The following MEF2C variants were observed in gnomAD, a reference collection of about 807,000 sequenced individuals.
MEF2C encodes the protein myocyte-specific enhancer factor 2C.
A neutral mutation model predicts 50.5 loss-of-function variants in MEF2C; 6 were observed. The observed-to-expected ratio is 0.12, with a 90% CI of 0.07 to 0.23. The LOEUF (loss-of-function observed/expected upper bound fraction) is 0.23, where lower values mean the gene tolerates loss of function less well. Ranked by LOEUF, MEF2C falls within the 10% of genes least tolerant of loss-of-function variation. The pLI is 1.00. For synonymous variants in MEF2C, 183 were observed against 228.0 expected (o/e 0.80, Z 1.78); for missense variants, 276 against 605.0 (o/e 0.46, Z 5.70).
chr5:88,868,960 T>C (rs956547172), intron 1 of MEF2C, among the ~76,000 whole-genome samples: 2 of 151,988 alleles, frequency 1.3e-5, no homozygotes, highest in African/African-American at 4.8e-5. Flanking sequence ...ATTATAATAT[T>C]TGATATAAAA....
intron 3 of MEF2C, among the ~76,000 whole-genome samples, chr5:88,784,555 G>C (rs1242804787): frequency 6.6e-6 from 1 of 152,046 alleles, no homozygotes; most frequent in Admixed American, 6.6e-5. Flanking sequence ...AGTTACCATA[G>C]CTCATATCAC....
rs531898075 is a variant in MEF2C, at chr5:88,899,614, C to T, written c.-240+4302G>A. 1.1e-3 allele frequency among the ~76,000 whole-genome samples: 161 copies of T among 152,168 alleles called. 1 individual carries two copies. Among genetic ancestry groups the T allele is most frequent in the South Asian group, 6.8e-3 (33 of 4,830 alleles). ...ACACTCTTTAACTCTAATGAGGAAG[C>T]CTCTATGATCCTTCAAAAGCAGATA... On this transcript the variant is annotated intron_variant, in intron 1 of 11. Transcript: ENST00000340208.
intron 6 of MEF2C, chr5:88,741,988 G>T (rs1395539665): frequency 2.0e-6 from 2 of 984,824 alleles, no homozygotes; most frequent in African/African-American, 3.5e-5. Context: ...ACTGTATCAT[G>T]ACTAAATATT....
intron 3 of MEF2C, among the ~76,000 whole-genome samples, chr5:88,794,691 G>T (rs1795268673): frequency 6.6e-6 from 1 of 152,098 alleles, no homozygotes; most frequent in Admixed American, 6.5e-5. Context: ...ATTGCTTTTG[G>T]TGTTTTAGTC....
intron 1 of MEF2C, among the ~76,000 whole-genome samples, chr5:88,870,521 G>A (rs1829181928): frequency 1.3e-5 from 2 of 151,916 alleles, no homozygotes; most frequent in African/African-American, 4.8e-5. Context: ...TGGATACCTT[G>A]GCACAGCAAA....
intron 1 of MEF2C, among the ~76,000 whole-genome samples, chr5:88,857,520 A>T (rs1294232010): frequency 1.3e-5 from 2 of 152,200 alleles, no homozygotes; most frequent in Non-Finnish European, 2.9e-5. Flanking sequence ...GGGAGAAATG[A>T]TATGGTTTGG....
At chr5:88,884,288 T>A (rs1034266361), upstream of MEF2C, 7 of 152,220 alleles carry the variant, frequency 4.6e-5, no homozygotes, top group South Asian at 8.3e-4. Flanking sequence ...CGTTAGCCAC[T>A]TCTCTCTTCC....
intron 6 of MEF2C, 34 bp downstream of exon 6, chr5:88,749,036 A>G (rs1383982428): frequency 6.4e-7 from 1 of 1,559,114 alleles, no homozygotes; most frequent in Non-Finnish European, 8.7e-7. Flanking sequence ...ACTCAGAACA[A>G]TGATACATAC....
At chr5:88,804,822 A>G (rs974792013) in intron 2 of MEF2C, 21 bp from the exon 3 acceptor site, 1 of 1,600,974 alleles carries the variant, frequency 6.2e-7, no homozygotes, top group Non-Finnish European at 8.5e-7. Flanking sequence ...GAAAGCAGCC[A>G]AGATTTTTTA....
chr5:88,813,702 A>G (rs540556114), intron 2 of MEF2C, among the ~76,000 whole-genome samples: 12 of 152,212 alleles, frequency 7.9e-5, no homozygotes, highest in Non-Finnish European at 1.6e-4. Flanking sequence ...ACCAAACACA[A>G]TATTTTTAGC....
At chr5:88,846,209 G>A (rs758096276) in intron 1 of MEF2C, among the ~76,000 whole-genome samples, 21 of 151,832 alleles carry the variant, frequency 1.4e-4, no homozygotes, top group African/African-American at 5.1e-4. Flanking sequence ...CTGGGACTAC[G>A]GGTGCCCGCC....
intron 3 of MEF2C, among the ~76,000 whole-genome samples, chr5:88,778,344 G>A (rs1785962139): frequency 6.6e-6 from 1 of 152,128 alleles, no homozygotes; most frequent in African/African-American, 2.4e-5. Flanking sequence ...AGAACCTCAA[G>A]TCTCTGTGAC....
At chr5:88,886,889 C>T (rs1280172448), upstream of MEF2C, among the ~76,000 whole-genome samples, 1 of 152,326 alleles carries the variant, frequency 6.6e-6, no homozygotes, top group South Asian at 2.1e-4. Context: ...CATCTTACTC[C>T]AACCTCCTCT....
chr5:88,739,102 C>T (rs1180359091), intron 6 of MEF2C: 2 of 985,180 alleles, frequency 2.0e-6, no homozygotes, highest in Admixed American at 1.2e-4. Flanking sequence ...ATCAGAAACA[C>T]CCAATGTTAC....
At chr5:88,902,731 A>G (rs955210334) in intron 1 of MEF2C, among the ~76,000 whole-genome samples, 3 of 151,820 alleles carry the variant, frequency 2.0e-5, no homozygotes, top group African/African-American at 7.2e-5. Context: ...CAATTGCCTC[A>G]TAGTATTAGT....
chr5:88,812,011 A>G (rs1449349906), intron 2 of MEF2C, among the ~76,000 whole-genome samples: 2 of 152,186 alleles, frequency 1.3e-5, no homozygotes, highest in African/African-American at 4.8e-5. Flanking sequence ...AGGTCAAGTA[A>G]GGGATATAAT....
At chr5:88,769,956 A>G in intron 3 of MEF2C, 2 of 985,174 alleles carry the variant, frequency 2.0e-6, no homozygotes, top group Non-Finnish European at 2.4e-6. Context: ...TATCCTAATA[A>G]TCTTTATAAT....
intron 3 of MEF2C, among the ~76,000 whole-genome samples, chr5:88,795,553 G>A (rs1359144008): frequency 6.6e-6 from 1 of 152,076 alleles, no homozygotes; most frequent in Non-Finnish European, 1.5e-5. Flanking sequence ...GAGACAATGG[G>A]GTTTTCTAAA....
At chr5:88,727,858 CAA>C (rs768983061) in intron 10 of MEF2C, among the ~76,000 whole-genome samples, 4 of 151,920 alleles carry the variant, frequency 2.6e-5, no homozygotes, top group Non-Finnish European at 2.9e-5. Context: ...AGATAAATGA[CAA>C]GAGTCATTTC....
Sources: allele counts gnomAD v4.1 joint callset (sites outside exome capture counted in the v4.1 genomes callset), GRCh38; gene constraint gnomAD v4.1.1; transcripts MANE v1.5; gene names NCBI Gene and HGNC (gene_info 2026-07-23, HGNC 2026-07-21).